ATG2B: variants seen among roughly 807,000 people sequenced by gnomAD.
ATG2B encodes the protein autophagy related 2B.
Under a neutral mutation model 241.3 loss-of-function variants are expected in ATG2B, and 121 were observed. The observed-to-expected ratio is 0.50, with a 90% CI of 0.43 to 0.58. The LOEUF (loss-of-function observed/expected upper bound fraction) is 0.58. Ranked by LOEUF, ATG2B falls within the 20% of genes least tolerant of loss-of-function variation. The pLI is 0.00. For missense variants in ATG2B, 2,306 were observed against 2,491.6 expected, an observed-to-expected ratio of 0.93 and a Z score of 1.59; for synonymous variants, 858 against 876.6, an observed-to-expected ratio of 0.98 and a Z score of 0.37.
intron 16 of ATG2B, among the ~76,000 whole-genome samples, chr14:96,323,049 C>T (rs1887499569): frequency 6.6e-6 from 1 of 152,132 alleles, no homozygotes; most frequent in Admixed American, 6.6e-5. Context: ...TATCATTAAA[C>T]CAAATCTTCT....
chr14:96,347,308 G>A lies in ATG2B; in HGVS notation c.196C>T (p.Pro66Ser). ...LNEILESADA[P>S]LEVTEGFIQS... ...ATGAATCCTTCAGTGACTTCTAAGG[G>A]TGCATCTGCTGACTCCAAGATCTCA... Residue 66 changes from proline to serine, a missense_variant, in exon 2 of 42, where the codon CCC (proline) becomes TCC (serine). By Grantham distance (74) the Pro-to-Ser change is moderately conservative. Around this residue, in one of 2 missense-constraint regions of ATG2B, gnomAD observed 1,927 missense variants for 2,011.2 expected, o/e 0.96. Coordinates refer to ENST00000359933, the MANE Select transcript of ATG2B (RefSeq NM_018036.7). 1 of 1,601,072 alleles carries A rather than the reference G, an allele frequency of 6.2e-7. No homozygotes were observed. Among genetic ancestry groups the A allele is most frequent in the Non-Finnish European group, 8.5e-7 (1 of 1,170,098 alleles).
At chr14:96,288,682 G>A (rs1886402609) in intron 41 of ATG2B, among the ~76,000 whole-genome samples, 1 of 151,832 alleles carries the variant, frequency 6.6e-6, no homozygotes, top group South Asian at 2.1e-4. Context: ...GAATATGACT[G>A]AGAAAAATAT....
chr14:96,348,554 G>T (rs992667082), intron 1 of ATG2B, among the ~76,000 whole-genome samples: 1 of 151,822 alleles, frequency 6.6e-6, no homozygotes, highest in African/African-American at 2.4e-5. Context: ...GTGGTAGGAC[G>T]TGCCTGTAAT....
At chr14:96,362,677 T>C (rs1888693828) in intron 1 of ATG2B, 138 bp downstream of exon 1, 4 of 845,376 alleles carry the variant, frequency 4.7e-6, no homozygotes, top group Admixed American at 2.6e-5. Flanking sequence ...CTCTAACACA[T>C]TTCTCTGAGC....
At chr14:96,358,120 G>C (rs1357707352) in intron 1 of ATG2B, among the ~76,000 whole-genome samples, 4 of 152,158 alleles carry the variant, frequency 2.6e-5, no homozygotes, top group African/African-American at 9.7e-5. Flanking sequence ...ATACAAAAAG[G>C]TTTATTACAG....
intron 4 of ATG2B, among the ~76,000 whole-genome samples, chr14:96,344,451 T>C (rs966643402): frequency 4.6e-5 from 7 of 152,202 alleles, no homozygotes; most frequent in Non-Finnish European, 7.4e-5. Context: ...TGGTATTATA[T>C]ATAATTATAC....
rs1463080127 is a variant in ATG2B at position 96,332,336 on chromosome 14, G to T, written c.1437C>A (p.Asn479Lys). Residue 479 changes from asparagine (N) to lysine (K), a missense_variant, in exon 10 of 42, where the codon AAC becomes AAA. This residue lies in a region of ATG2B where 1,927 missense variants were observed against 2,011.2 expected (regional missense o/e 0.96). Coordinates refer to ENST00000359933, the MANE Select transcript of ATG2B (RefSeq NM_018036.7). ...QPVRGSTFPSNLVHPTPLQKT... is the reference protein window; with the variant it reads ...QPVRGSTFPSKLVHPTPLQKT... Reference sequence around the variant, plus strand: ...TCTGTAAAGGTGTTGGGTGAACTAGGTTGGATGGAAATGTTGACCCTCTTA... The same window carrying T: ...TCTGTAAAGGTGTTGGGTGAACTAGTTTGGATGGAAATGTTGACCCTCTTA... 2.5e-6 allele frequency: 4 copies of T among 1,613,592 alleles called. No homozygotes were observed. In the African/African-American group the frequency reaches 4.0e-5, roughly 16 times the overall value.
Position 96,289,819 on chromosome 14 carries a change from T to C in ATG2B, c.5857-14A>G, listed in dbSNP as rs774148982. ...CTCTGCAGCTGCCTGGATCATTTTGTCAAAAGGAAGAAATGAATTAGAAGA... is the reference window on the plus strand; with the variant it reads ...CTCTGCAGCTGCCTGGATCATTTTGCCAAAAGGAAGAAATGAATTAGAAGA... On this transcript the variant is annotated splice_polypyrimidine_tract_variant and intron_variant, in intron 40 of 41. Coordinates refer to ENST00000359933, the MANE Select transcript of ATG2B (RefSeq NM_018036.7). The surrounding 1 kb of genome is among the most constrained non-coding windows in gnomAD (Gnocchi z 4.3). 5.0e-6 allele frequency: 8 copies of C among 1,613,550 alleles called. No homozygotes were observed. The highest frequency in any genetic ancestry group is 6.8e-6 in the Non-Finnish European group (8 of 1,179,758).
At position 96,362,999 on chromosome 14, in the gene ATG2B, G is replaced by A; in HGVS notation, c.-23C>T. 1 of 1,612,100 alleles carries A rather than the reference G, an allele frequency of 6.2e-7. No homozygotes were observed. The highest frequency in any genetic ancestry group is 8.5e-7 in the Non-Finnish European group (1 of 1,179,552). On this transcript the variant is annotated 5_prime_UTR_variant, in exon 1 of 42. Coordinates refer to ENST00000359933, the MANE Select transcript of ATG2B (RefSeq NM_018036.7). ...CATAGTGACTGCTGGCAGCTGGGCT[G>A]ACTGCGGCTGCGGGTTGCGACGGCT...
In ATG2B at chr14:96,305,786, G is replaced by A. The variant is rs866546118; in HGVS notation, c.4536C>T (p.Ile1512=). ...QEKEEEPVIK[I]MVDDAIVIRD... is the part of the protein sequence containing the mutation. Reference sequence around the variant, plus strand: ...TTATCACAATTGCATCATCAACCATGATTTTTATAACTGGTTCTTCTTCCT... The same window carrying A: ...TTATCACAATTGCATCATCAACCATAATTTTTATAACTGGTTCTTCTTCCT... Residue 1512 remains isoleucine, a synonymous_variant, in exon 31 of 42, where the codon ATC becomes ATT. Coordinates refer to ENST00000359933, the MANE Select transcript of ATG2B (RefSeq NM_018036.7). The A allele has an allele frequency of 6.2e-7, 1 of 1,614,098 alleles. No homozygotes were observed. The highest frequency in any genetic ancestry group is 1.7e-5 in the Admixed American group (1 of 60,018).
rs1055709959 is a variant in ATG2B at position 96,362,382 on chromosome 14, A to G, written c.162+433T>C. On this transcript the variant is annotated intron_variant, in intron 1 of 41. Coordinates refer to ENST00000359933, the MANE Select transcript of ATG2B (RefSeq NM_018036.7). ...AACATGGTGCGCAAGCAGCCAACCC[A>G]AAACAAATAACTAGGGATTCTGACA... Among the ~76,000 whole-genome samples, 5 of 152,162 alleles carry G rather than the reference A, an allele frequency of 3.3e-5. No homozygotes were observed. The South Asian group carries it at 1.0e-3, about 32-fold the overall frequency.
intron 23 of ATG2B, 63 bp downstream of exon 23, chr14:96,315,091 A>C (rs1396243656): frequency 2.2e-5 from 25 of 1,160,276 alleles, no homozygotes; most frequent in Non-Finnish European, 3.0e-5. Context: ...ACTTTTCAGT[A>C]TGTGTATTAG....
In ATG2B at chr14:96,295,470, C is replaced by A. The variant is rs780078065; in HGVS notation, c.5218+12G>T. ...ACTTGGTATAGTCTTTTCAACTATACATATTTAATACCTTCTGGATCTGGA... is the reference window on the plus strand; with the variant it reads ...ACTTGGTATAGTCTTTTCAACTATAAATATTTAATACCTTCTGGATCTGGA... On this transcript the variant is annotated intron_variant, in intron 35 of 41. Transcript: ENST00000359933. 5.8e-6 allele frequency: 9 copies of A among 1,553,814 alleles called. No homozygotes were observed. The highest frequency in any genetic ancestry group is 7.9e-6 in the Non-Finnish European group (9 of 1,146,286).
chr14:96,324,580 T>C (rs1006735197), intron 15 of ATG2B, among the ~76,000 whole-genome samples: 6 of 152,068 alleles, frequency 3.9e-5, no homozygotes, highest in African/African-American at 1.4e-4. Flanking sequence ...CGAGAATCGC[T>C]TGAAGCCAGG....
intron 36 of ATG2B, among the ~76,000 whole-genome samples, chr14:96,294,597 T>A (rs563610999): frequency 6.6e-6 from 1 of 151,984 alleles, no homozygotes; most frequent in African/African-American, 2.4e-5. Context: ...CAGACAGGCA[T>A]AGCCAGGTTG....
intron 6 of ATG2B, among the ~76,000 whole-genome samples, chr14:96,337,918 T>C (rs1305815103): frequency 2.0e-5 from 3 of 152,160 alleles, no homozygotes; most frequent in African/African-American, 7.2e-5. Flanking sequence ...ATGGGATGTG[T>C]TTCCATTTGT....
At chr14:96,348,657 G>C (rs1276244683) in intron 1 of ATG2B, among the ~76,000 whole-genome samples, 3 of 146,592 alleles carry the variant, frequency 2.0e-5, no homozygotes, top group Admixed American at 1.4e-4. Flanking sequence ...GGGCGACAGG[G>C]GACTCCATCT....
rs1425410705 is a variant in ATG2B, at chr14:96,308,209, TAAATACATAA to T, written c.4303+1234_4303+1243del. Among the ~76,000 whole-genome samples, 225 of 114,880 alleles carry T rather than the reference TAAATACATAA, an allele frequency of 2.0e-3. 4 individuals are homozygous for T. The South Asian group carries it at 0.02, about 10-fold the overall frequency. The allele number at this position is 114,880 out of a possible 152,430, so 75.4% of individuals were successfully genotyped here. On this transcript the variant is annotated intron_variant, in intron 29 of 41. Coordinates refer to ENST00000359933, the MANE Select transcript of ATG2B (RefSeq NM_018036.7). ...ATAAATATATATATACATATATATATAAATACATAAATATATATATACATATATATATATA... is the reference window on the plus strand; with the variant it reads ...ATAAATATATATATACATATATATATATATATATATACATATATATATATA...
At chr14:96,356,541 A>G (rs1566737436) in intron 1 of ATG2B, among the ~76,000 whole-genome samples, 1 of 152,188 alleles carries the variant, frequency 6.6e-6, no homozygotes, top group Non-Finnish European at 1.5e-5. Context: ...AACGCAATGG[A>G]AAAACTCTCC....
Sources: gnomAD v4.1 joint callset for allele counts (sites outside exome capture counted in the v4.1 genomes callset) on GRCh38, gnomAD v4.1.1 for gene constraint, gnomAD v4.1.1 regional missense constraint, Gnocchi (gnomAD v3.1) non-coding constraint, MANE v1.5 for transcripts, NCBI Gene and HGNC (gene_info 2026-07-23, HGNC 2026-07-21) for gene names.